POLR1A: variants seen among roughly 807,000 people sequenced by gnomAD.
POLR1A encodes the protein DNA-directed RNA polymerase I subunit RPA1.
In POLR1A, 84 loss-of-function variants were observed where a neutral mutation model predicts 205.3. The ratio of observed to expected loss-of-function variants is 0.41; its 90% CI spans 0.34 to 0.49. The LOEUF is 0.49. POLR1A is among the 20% of genes least tolerant of loss of function. The pLI is 0.22. For synonymous variants in POLR1A, 799 were observed against 863.7 expected, an observed-to-expected ratio of 0.93 and a Z score of 1.31; for missense variants, 1,645 against 2,204.5, an observed-to-expected ratio of 0.75 and a Z score of 5.08.
chr2:86,065,136 C>A (rs1025294097), intron 14 of POLR1A, 138 bp downstream of exon 14: 4 of 816,518 alleles, frequency 4.9e-6, no homozygotes, highest in Non-Finnish European at 5.8e-6. Flanking sequence ...GAACCCCAAA[C>A]AAAGGGGAAA....
In POLR1A at chr2:86,028,059, G is replaced by A. The variant is rs749441137; in HGVS notation, c.4898-10C>T. On this transcript the variant is annotated splice_polypyrimidine_tract_variant and intron_variant, in intron 32 of 33. Coordinates refer to ENST00000263857, the MANE Select transcript of POLR1A (RefSeq NM_015425.6). This position sits in a 1 kb window ranked among gnomAD's most constrained non-coding sequence, Gnocchi z 4.5. ...GGGTCGACCGCGATGCCTGTCAAAC[G>A]GGAGGTAAAATTAGGAGGGATTAAG... The A allele has an allele frequency of 6.2e-6, 10 of 1,613,868 alleles. No homozygotes were observed. The highest frequency in any genetic ancestry group is 3.3e-5 in the South Asian group (3 of 91,074).
Position 86,040,372 on chromosome 2 carries a change from T to A in POLR1A, c.3740+20A>T. The A allele has an allele frequency of 6.4e-7, 1 of 1,573,316 alleles. No homozygotes were observed. Among genetic ancestry groups the A allele is most frequent in the Non-Finnish European group, 8.6e-7 (1 of 1,158,728 alleles). On this transcript the variant is annotated intron_variant, in intron 25 of 33. Transcript: ENST00000263857. ...AGAGGCTAGGACAGACCCCACCCTG[T>A]GCTCCCTTGTGCCCCACACCTTGGA...
At chr2:86,084,102 T>C (rs1051144762) in intron 6 of POLR1A, among the ~76,000 whole-genome samples, 3 of 152,064 alleles carry the variant, frequency 2.0e-5, no homozygotes, top group Admixed American at 6.6e-5. Flanking sequence ...CGTGTCCCTA[T>C]GAAAAATACA....
chr2:86,084,495 C>T (rs1186825124), intron 6 of POLR1A, among the ~76,000 whole-genome samples: 1 of 152,014 alleles, frequency 6.6e-6, no homozygotes, highest in African/African-American at 2.4e-5. Flanking sequence ...CTAAGCATTA[C>T]TCAATGTTCC....
At chr2:86,033,619 C>T in intron 28 of POLR1A, 42 bp downstream of exon 28, 1 of 1,601,992 alleles carries the variant, frequency 6.2e-7, no homozygotes, top group East Asian at 2.2e-5. Flanking sequence ...AGTCTGGGGG[C>T]TGTCCCTGTG....
chr2:86,069,369 G>A (rs1184492875), intron 13 of POLR1A, among the ~76,000 whole-genome samples: 6 of 152,160 alleles, frequency 3.9e-5, no homozygotes, highest in African/African-American at 7.2e-5. Context: ...CTCTTTCCCC[G>A]CTCTGTCCCT....
rs527482918 is a variant in POLR1A at position 86,079,719 on chromosome 2, T to C, written c.1086+1097A>G. ...CTGGCACCATAGGCATGAACCACCATGCCCAGCTATTTTTTGTATTTTTGG... is the reference window on the plus strand; with the variant it reads ...CTGGCACCATAGGCATGAACCACCACGCCCAGCTATTTTTTGTATTTTTGG... On this transcript the variant is annotated intron_variant, in intron 9 of 33. Transcript: ENST00000263857. 4.0e-3 allele frequency among the ~76,000 whole-genome samples: 607 copies of C among 152,158 alleles called. 3 individuals are homozygous for C. Among genetic ancestry groups the C allele is most frequent in the African/African-American group, 0.014 (563 of 41,522 alleles).
intron 3 of POLR1A, among the ~76,000 whole-genome samples, chr2:86,090,386 C>CAA (rs56810530): frequency 0.042 from 3,923 of 94,468 alleles, 224 homozygotes; most frequent in African/African-American, 0.14. Flanking sequence ...GACACCATCT[C>CAA]AAAAAAAAAA....
At chr2:86,043,611 C>T (rs1263130824) in intron 22 of POLR1A, among the ~76,000 whole-genome samples, 4 of 152,094 alleles carry the variant, frequency 2.6e-5, no homozygotes, top group Non-Finnish European at 4.4e-5. Context: ...CAGGTCACAT[C>T]GGTTTCAGTT....
At chr2:86,079,960 T>C (rs1227770326) in intron 9 of POLR1A, among the ~76,000 whole-genome samples, 1 of 152,334 alleles carries the variant, frequency 6.6e-6, no homozygotes, top group Admixed American at 6.5e-5. Flanking sequence ...ACATGGCTGA[T>C]GTCTTTTACA....
intron 12 of POLR1A, among the ~76,000 whole-genome samples, chr2:86,071,227 C>CGTGTGTGTGT (rs1558777042): frequency 2.7e-5 from 4 of 147,250 alleles, no homozygotes; most frequent in African/African-American, 1.0e-4. Context: ...TCTCCGTGTG[C>CGTGTGTGTGT]ATGTGTGTGT....
intron 13 of POLR1A, among the ~76,000 whole-genome samples, chr2:86,066,574 T>A (rs531910693): frequency 6.6e-6 from 1 of 152,228 alleles, no homozygotes; most frequent in Non-Finnish European, 1.5e-5. Flanking sequence ...GCCTTGGATA[T>A]AAAGATTATT....
chr2:86,098,530 A>G (rs373919195), intron 3 of POLR1A, 81 bp downstream of exon 3: 5 of 1,410,936 alleles, frequency 3.5e-6, no homozygotes, highest in Non-Finnish European at 4.9e-6. Flanking sequence ...CGGCATGGTA[A>G]CTAGGACAAC....
intron 13 of POLR1A, among the ~76,000 whole-genome samples, chr2:86,068,386 C>CCGGGGGGGG (rs1553436015): frequency 8.2e-5 from 1 of 12,224 alleles, no homozygotes; most frequent in African/African-American, 4.5e-4. Flanking sequence ...AGCACATGGG[C>CCGGGGGGGG]GGGGGGGGGG....
chr2:86,065,937 G>A (rs1208231243), intron 13 of POLR1A, among the ~76,000 whole-genome samples: 1 of 152,220 alleles, frequency 6.6e-6, no homozygotes, highest in Non-Finnish European at 1.5e-5. Flanking sequence ...TGAATGCCTA[G>A]GCACTGGGTA....
intron 6 of POLR1A, among the ~76,000 whole-genome samples, chr2:86,087,606 G>T (rs1388730907): frequency 1.3e-5 from 2 of 152,192 alleles, no homozygotes; most frequent in Non-Finnish European, 2.9e-5. Flanking sequence ...GCGGTGGCAC[G>T]ATCTCAGCTC....
At chr2:86,047,784 A>G (rs1672734974) in intron 18 of POLR1A, among the ~76,000 whole-genome samples, 1 of 152,212 alleles carries the variant, frequency 6.6e-6, no homozygotes, top group South Asian at 2.1e-4. Flanking sequence ...CTTCAGGGGG[A>G]TCCTGGGGAG....
At chr2:86,078,949 A>C (rs73944203) in intron 9 of POLR1A, among the ~76,000 whole-genome samples, 2,330 of 152,278 alleles carry the variant, frequency 0.015, 62 homozygotes, top group African/African-American at 0.052. Flanking sequence ...AGAAGCCTTC[A>C]GCTGGCTTAG....
At position 86,089,911 on chromosome 2, in the gene POLR1A, C is replaced by A; in HGVS notation, c.451G>T (p.Asp151Tyr). The A allele has an allele frequency of 1.9e-6, 3 of 1,597,784 alleles. No homozygotes were observed. In the South Asian group the frequency reaches 3.3e-5, roughly 18 times the overall value. ...ILNRFLEENP[D>Y]PSASEIREEL... ...TCCCGAATTTCAGAGGCAGAGGGAT[C>A]GGGATTTTCTTCCAGAAACTGGAAA... Residue 151 changes from aspartate to tyrosine, a missense_variant, in exon 4 of 34, where the codon GAT becomes TAT. By Grantham distance (160) the Asp-to-Tyr change is radical. Coordinates refer to ENST00000263857, the MANE Select transcript of POLR1A (RefSeq NM_015425.6).
Sources: gnomAD v4.1 joint callset for allele counts (sites outside exome capture counted in the v4.1 genomes callset) on GRCh38, gnomAD v4.1.1 for gene constraint, Gnocchi (gnomAD v3.1) non-coding constraint, MANE v1.5 for transcripts, NCBI Gene and HGNC (gene_info 2026-07-23, HGNC 2026-07-21) for gene names.